Variants in DLEU7 observed in about 807,000 individuals in gnomAD.
The protein encoded by DLEU7 is leukemia-associated protein 7.
A neutral mutation model predicts 16.0 loss-of-function variants in DLEU7; 17 were observed. The ratio of observed to expected loss-of-function variants is 1.06; its 90% CI spans 0.73 to 1.59. The LOEUF is 1.59. Ranked by LOEUF, DLEU7 falls within the 40% of genes most tolerant of loss-of-function variation. DLEU7 has a pLI of 0.00. For missense variants in DLEU7, 308 were observed against 314.9 expected, an observed-to-expected ratio of 0.98 and a Z score of 0.17; for synonymous variants, 113 against 139.8, an observed-to-expected ratio of 0.81 and a Z score of 1.35.
chr13:50,733,643 C>A (rs1020817939), intron 1 of DLEU7, among the ~76,000 whole-genome samples: 1 of 152,172 alleles, frequency 6.6e-6, no homozygotes, highest in Admixed American at 6.6e-5. Flanking sequence ...TGTCTCATAT[C>A]TCTCAATCTT....
chr13:50,758,718 AC>A (rs1268937981), intron 1 of DLEU7, among the ~76,000 whole-genome samples: 1 of 152,142 alleles, frequency 6.6e-6, no homozygotes, highest in Non-Finnish European at 1.5e-5. Context: ...TGTCACATGA[AC>A]CTCTCCACAG....
intron 1 of DLEU7, among the ~76,000 whole-genome samples, chr13:50,745,316 A>G (rs1658917917): frequency 6.6e-6 from 1 of 152,184 alleles, no homozygotes; most frequent in African/African-American, 2.4e-5. Context: ...TCACAGAAAA[A>G]CAAATACTGT....
intron 1 of DLEU7, among the ~76,000 whole-genome samples, chr13:50,735,617 C>T (rs1354071867): frequency 6.6e-6 from 1 of 151,688 alleles, no homozygotes; most frequent in Non-Finnish European, 1.5e-5. Flanking sequence ...ATGCATCTAA[C>T]AAAATCTAAT....
At chr13:50,841,737 C>CA (rs200036592) in intron 1 of DLEU7, among the ~76,000 whole-genome samples, 1,920 of 104,748 alleles carry the variant, frequency 0.018, 19 homozygotes, top group Non-Finnish European at 0.026. Context: ...GACCTTGTCT[C>CA]AAAAAAAAAA....
chr13:50,731,944 G>C (rs562116221), intron 1 of DLEU7, among the ~76,000 whole-genome samples: 1 of 152,230 alleles, frequency 6.6e-6, no homozygotes, highest in East Asian at 1.9e-4. Flanking sequence ...CTACACATAT[G>C]TATATTAATT....
At chr13:50,771,227 T>C (rs1052735043) in intron 1 of DLEU7, among the ~76,000 whole-genome samples, 1 of 152,008 alleles carries the variant, frequency 6.6e-6, no homozygotes, top group East Asian at 1.9e-4. Context: ...CCTGGATTCA[T>C]TGATTTTTTG....
intron 1 of DLEU7, among the ~76,000 whole-genome samples, chr13:50,778,326 A>C (rs1172443519): frequency 6.6e-6 from 1 of 152,176 alleles, no homozygotes; most frequent in Non-Finnish European, 1.5e-5. Context: ...ACCTCCTACC[A>C]GGTCCCTTCC....
At chr13:50,738,068 C>G (rs1181833878) in intron 1 of DLEU7, among the ~76,000 whole-genome samples, 1 of 152,080 alleles carries the variant, frequency 6.6e-6, no homozygotes, top group African/African-American at 2.4e-5. Context: ...TCAAACCATC[C>G]ACAACATTCC....
chr13:50,719,592 T>G (rs1001915311), intron 1 of DLEU7: 2 of 152,176 alleles, frequency 1.3e-5, no homozygotes, highest in African/African-American at 2.4e-5. Context: ...TGTATTTGGG[T>G]CCCACCTTGA....
chr13:50,803,794 T>A (rs1876312862), intron 1 of DLEU7, among the ~76,000 whole-genome samples: 1 of 152,154 alleles, frequency 6.6e-6, no homozygotes, highest in Non-Finnish European at 1.5e-5. Flanking sequence ...TACATTGTAT[T>A]TCCATTGACA....
intron 1 of DLEU7, among the ~76,000 whole-genome samples, chr13:50,780,950 C>T (rs759296535): frequency 6.6e-6 from 1 of 152,222 alleles, no homozygotes; most frequent in Non-Finnish European, 1.5e-5. Flanking sequence ...CACTCAAACA[C>T]TGGCTTTCTT....
At chr13:50,795,056 A>AC (rs1229582289) in intron 1 of DLEU7, among the ~76,000 whole-genome samples, 4 of 48 alleles carry the variant, frequency 0.083, no homozygotes, top group Non-Finnish European at 0.13. Flanking sequence ...GGTTGGCTTC[A>AC]AAAACACACA....
intron 1 of DLEU7, among the ~76,000 whole-genome samples, chr13:50,809,099 G>A (rs766018781): frequency 6.6e-6 from 1 of 152,104 alleles, no homozygotes; most frequent in African/African-American, 2.4e-5. Flanking sequence ...GCCTAAAAAT[G>A]ATAATAGCAA....
At chr13:50,718,459 A>C (rs1337052292) in intron 1 of DLEU7, among the ~76,000 whole-genome samples, 2 of 152,214 alleles carry the variant, frequency 1.3e-5, no homozygotes, top group East Asian at 3.8e-4. Flanking sequence ...TGGTGATTAG[A>C]ATGAGGGGCT....
chr13:50,784,124 C>T (rs1248539423), intron 1 of DLEU7, among the ~76,000 whole-genome samples: 3 of 152,210 alleles, frequency 2.0e-5, no homozygotes, highest in East Asian at 1.9e-4. Context: ...GTTAATCAAA[C>T]GTCCACTTGA....
intron 1 of DLEU7, among the ~76,000 whole-genome samples, chr13:50,723,731 C>A (rs1873685268): frequency 6.6e-6 from 1 of 152,084 alleles, no homozygotes; most frequent in Non-Finnish European, 1.5e-5. Context: ...CTATTTATCT[C>A]CCAAAGGCCC....
intron 1 of DLEU7, among the ~76,000 whole-genome samples, chr13:50,836,238 C>A (rs935764453): frequency 6.6e-6 from 1 of 152,212 alleles, no homozygotes; most frequent in Admixed American, 6.5e-5. Flanking sequence ...ATTTCCCCCT[C>A]TAGCTCTCCC....
At chr13:50,759,248 C>T (rs1274239100) in intron 1 of DLEU7, among the ~76,000 whole-genome samples, 1 of 152,118 alleles carries the variant, frequency 6.6e-6, no homozygotes. Context: ...AACAAAGAAA[C>T]AAACACAAAA....
chr13:50,769,455 A>G lies in DLEU7; in HGVS notation c.460-56215T>C, dbSNP rs1378435125. On this transcript the variant is annotated intron_variant, in intron 1 of 1. Transcript: ENST00000400393. ...TTAAGTCTTTAATCCATCTTGTGTT[A>G]ATTATTGTATAAGGTATAAGGAAGG... Among the ~76,000 whole-genome samples, 4 of 152,124 alleles carry G rather than the reference A, an allele frequency of 2.6e-5. No homozygotes were observed. In the South Asian group the frequency reaches 6.2e-4, roughly 24 times the overall value.
Sources: gnomAD v4.1 joint callset for allele counts (sites outside exome capture counted in the v4.1 genomes callset) on GRCh38, gnomAD v4.1.1 for gene constraint, MANE v1.5 for transcripts, NCBI Gene and HGNC (gene_info 2026-07-23, HGNC 2026-07-21) for gene names.